GPC6: variants seen among roughly 807,000 people sequenced by gnomAD.
The protein encoded by GPC6 is glypican-6.
A neutral mutation model predicts 55.2 loss-of-function variants in GPC6; 14 were observed. The observed-to-expected ratio is 0.25, with a 90% CI of 0.17 to 0.40. The LOEUF (loss-of-function observed/expected upper bound fraction) is 0.40, where lower values mean the gene tolerates loss of function less well. GPC6 is among the 10% of genes least tolerant of loss of function. The pLI is 1.00. For synonymous variants in GPC6, 278 were observed against 259.6 expected (o/e 1.07, Z -0.68); for missense variants, 641 against 708.5 (o/e 0.90, Z 1.08).
intron 1 of GPC6, among the ~76,000 whole-genome samples, chr13:93,499,067 T>C (rs1457943006): frequency 6.7e-6 from 1 of 149,146 alleles, no homozygotes; most frequent in African/African-American, 2.5e-5. Flanking sequence ...AAAATTAACA[T>C]AGTATATCCA....
At chr13:94,197,801 A>G (rs1002232465) in intron 4 of GPC6, among the ~76,000 whole-genome samples, 2 of 152,218 alleles carry the variant, frequency 1.3e-5, no homozygotes, top group Non-Finnish European at 2.9e-5. Flanking sequence ...TCTGTCACCC[A>G]CAACAAATAT....
intron 4 of GPC6, among the ~76,000 whole-genome samples, chr13:94,231,965 G>A (rs1177037757): frequency 1.3e-5 from 2 of 152,042 alleles, no homozygotes; most frequent in South Asian, 2.1e-4. Flanking sequence ...GGTCCAAATC[G>A]CAACTCTATT....
intron 4 of GPC6, among the ~76,000 whole-genome samples, chr13:94,198,788 C>A (rs1424732041): frequency 6.6e-6 from 1 of 152,192 alleles, no homozygotes; most frequent in Non-Finnish European, 1.5e-5. Flanking sequence ...GTTACACATC[C>A]TAAGTGAAAA....
intron 5 of GPC6, among the ~76,000 whole-genome samples, chr13:94,290,952 G>A (rs1263066484): frequency 3.3e-5 from 5 of 152,200 alleles, no homozygotes; most frequent in Non-Finnish European, 5.9e-5. Flanking sequence ...TGCACTTTGG[G>A]AGGCCCAGGT....
At chr13:94,383,074 C>T (rs1181787983) in intron 7 of GPC6, among the ~76,000 whole-genome samples, 2 of 152,136 alleles carry the variant, frequency 1.3e-5, no homozygotes, top group East Asian at 1.9e-4. Context: ...CCCATCGGAA[C>T]CTCCTGACAA....
chr13:93,797,938 A>T (rs1886251369), intron 2 of GPC6, among the ~76,000 whole-genome samples: 1 of 152,166 alleles, frequency 6.6e-6, no homozygotes, highest in Non-Finnish European at 1.5e-5. Context: ...TAACAAGGGT[A>T]ATAGGCCCTG....
At chr13:93,293,336 T>C (rs1470575732) in intron 1 of GPC6, among the ~76,000 whole-genome samples, 2 of 152,186 alleles carry the variant, frequency 1.3e-5, no homozygotes, top group Admixed American at 6.5e-5. Flanking sequence ...TCAATAAAAA[T>C]TCAGAAAACA....
intron 1 of GPC6, among the ~76,000 whole-genome samples, chr13:93,531,264 C>A (rs1383169280): frequency 6.7e-6 from 1 of 150,328 alleles, no homozygotes; most frequent in Non-Finnish European, 1.5e-5. Context: ...TATATATTTA[C>A]ATTTATATAT....
chr13:93,452,676 A>G (rs1349516129), intron 1 of GPC6, among the ~76,000 whole-genome samples: 2 of 152,208 alleles, frequency 1.3e-5, no homozygotes, highest in Non-Finnish European at 2.9e-5. Context: ...ATTTATTTAC[A>G]TTGAGATTTT....
At chr13:93,899,728 G>A (rs779760520) in intron 3 of GPC6, among the ~76,000 whole-genome samples, 2 of 151,986 alleles carry the variant, frequency 1.3e-5, no homozygotes, top group Non-Finnish European at 1.5e-5. Flanking sequence ...AGGTTATTTC[G>A]CATTTGATCC....
chr13:94,021,476 G>A (rs9589880), intron 3 of GPC6, among the ~76,000 whole-genome samples: 19,621 of 151,780 alleles, frequency 0.13, 1,555 homozygotes, highest in East Asian at 0.33. Context: ...CTCAAGTCCC[G>A]TTTAGAAAAC....
chr13:94,169,013 T>C (rs1312225901), intron 4 of GPC6, among the ~76,000 whole-genome samples: 2 of 152,178 alleles, frequency 1.3e-5, no homozygotes, highest in Non-Finnish European at 2.9e-5. Context: ...GACAACAGTT[T>C]CGTAAGAGGC....
At chr13:93,728,534 C>T (rs1428729684) in intron 2 of GPC6, among the ~76,000 whole-genome samples, 1 of 151,304 alleles carries the variant, frequency 6.6e-6, no homozygotes, top group Non-Finnish European at 1.5e-5. Flanking sequence ...AGCCACCATA[C>T]CCAGCCTTAT....
At chr13:93,480,352 C>T (rs934081502) in intron 1 of GPC6, among the ~76,000 whole-genome samples, 7 of 151,908 alleles carry the variant, frequency 4.6e-5, no homozygotes, top group African/African-American at 7.3e-5. Context: ...TCTTTTCAAA[C>T]GGTTGAAATG....
intron 3 of GPC6, among the ~76,000 whole-genome samples, chr13:93,967,657 G>A (rs10467245): frequency 0.016 from 2,475 of 152,168 alleles, 81 homozygotes; most frequent in African/African-American, 0.057. Flanking sequence ...GTCATTGTTT[G>A]GACCTAGGAA....
At chr13:94,010,683 A>T (rs1046342995) in intron 3 of GPC6, among the ~76,000 whole-genome samples, 1 of 152,146 alleles carries the variant, frequency 6.6e-6, no homozygotes, top group Non-Finnish European at 1.5e-5. Flanking sequence ...CGTAAATTAT[A>T]TTTTTTAGTT....
At chr13:93,853,603 A>C (rs1042095348) in intron 3 of GPC6, among the ~76,000 whole-genome samples, 2 of 151,654 alleles carry the variant, frequency 1.3e-5, no homozygotes, top group African/African-American at 4.8e-5. Context: ...TACTCTATTT[A>C]ACACCTGTAG....
intron 3 of GPC6, among the ~76,000 whole-genome samples, chr13:93,950,501 C>T (rs944556190): frequency 6.6e-6 from 1 of 152,084 alleles, no homozygotes; most frequent in African/African-American, 2.4e-5. Context: ...TATATTCAGA[C>T]GTATAGACCT....
chr13:93,242,291 C>T (rs1320386361), intron 1 of GPC6, among the ~76,000 whole-genome samples: 1 of 152,120 alleles, frequency 6.6e-6, no homozygotes, highest in African/African-American at 2.4e-5. Context: ...GCTACCTCAG[C>T]TCTACTACAA....
Sources: allele counts gnomAD v4.1 joint callset (sites outside exome capture counted in the v4.1 genomes callset), GRCh38; gene constraint gnomAD v4.1.1; transcripts MANE v1.5; gene names NCBI Gene and HGNC (gene_info 2026-07-23, HGNC 2026-07-21).